The following LCP2 variants were observed in gnomAD, a reference collection of about 807,000 sequenced individuals.
LCP2 encodes 76 kDa tyrosine phosphoprotein.
Under a neutral mutation model 74.5 loss-of-function variants are expected in LCP2, and 29 were observed. The observed-to-expected ratio is 0.39, with a 90% CI of 0.29 to 0.53. The LOEUF is 0.53. Ranked by LOEUF, LCP2 falls within the 20% of genes least tolerant of loss-of-function variation. The probability of loss-of-function intolerance (pLI) is 0.72; values close to 1 mark genes in which losing one functional copy is unlikely to be tolerated. For missense variants in LCP2, 604 were observed against 634.6 expected, an observed-to-expected ratio of 0.95 and a Z score of 0.52; for synonymous variants, 228 against 229.5, an observed-to-expected ratio of 0.99 and a Z score of 0.06.
intron 1 of LCP2, among the ~76,000 whole-genome samples, chr5:170,297,268 A>C (rs1762406627): frequency 6.6e-6 from 1 of 152,210 alleles, no homozygotes; most frequent in African/African-American, 2.4e-5. Flanking sequence ...TAAATGGGAC[A>C]GTGCCTGTGA....
chr5:170,292,530 A>T (rs1762309935), intron 2 of LCP2, among the ~76,000 whole-genome samples: 1 of 152,226 alleles, frequency 6.6e-6, no homozygotes, highest in African/African-American at 2.4e-5. Context: ...AGTGTCTTAC[A>T]GGGAGACACA....
At chr5:170,282,415 C>A (rs1762120465) in intron 3 of LCP2, among the ~76,000 whole-genome samples, 1 of 152,206 alleles carries the variant, frequency 6.6e-6, no homozygotes, top group Non-Finnish European at 1.5e-5. Context: ...ATATTCCCCA[C>A]TCCTGAAAAG....
At position 170,258,063 on chromosome 5, in the gene LCP2, A is replaced by G; in HGVS notation, c.1074T>C (p.Ser358=). ...TTTCTGAGAATGCTCCAGGCATGTG[A>G]GAGGATGGGAGAGGGTTCATGGGAC... The part of the protein sequence containing the change: ...KPSPMNPLPS[S]HMPGAFSESN... Residue 358 remains serine (S), a synonymous_variant, in exon 16 of 21, where the codon TCT becomes TCC. Transcript: ENST00000046794. 4.3e-6 allele frequency: 7 copies of G among 1,613,896 alleles called. No individual in the cohort carries two copies. The highest frequency in any genetic ancestry group is 5.9e-6 in the Non-Finnish European group (7 of 1,179,786).
At chr5:170,289,039 G>A (rs1762232250) in intron 2 of LCP2, among the ~76,000 whole-genome samples, 1 of 152,182 alleles carries the variant, frequency 6.6e-6, no homozygotes. Flanking sequence ...GGAATCAGAT[G>A]GGCTGGGTTT....
Position 170,275,364 on chromosome 5 carries a change from A to G in LCP2, c.255-13T>C, listed in dbSNP as rs771115178. 1.2e-6 allele frequency: 2 copies of G among 1,613,950 alleles called. No individual in the cohort carries two copies. Among genetic ancestry groups the G allele is most frequent in the Admixed American group, 1.7e-5 (1 of 60,028 alleles). ...CGGGACTTGGGGTCTGCAAAGGTAA[A>G]TAGCACTGCATTAATGGTCTTCTCG... On this transcript the variant is annotated splice_polypyrimidine_tract_variant and intron_variant, in intron 4 of 20. Coordinates refer to ENST00000046794, the MANE Select transcript of LCP2 (RefSeq NM_005565.5).
chr5:170,291,309 C>T (rs1762293294), intron 2 of LCP2, among the ~76,000 whole-genome samples: 1 of 152,128 alleles, frequency 6.6e-6, no homozygotes, highest in Non-Finnish European at 1.5e-5. Context: ...TATTACAGAG[C>T]TGGAAAGGGT....
chr5:170,285,245 T>C (rs1363607696), intron 3 of LCP2, among the ~76,000 whole-genome samples: 1 of 152,224 alleles, frequency 6.6e-6, no homozygotes, highest in East Asian at 1.9e-4. Context: ...TTGGGTCTTT[T>C]TTTGAATTTC....
At chr5:170,293,163 T>C in intron 2 of LCP2, 147 bp downstream of exon 2, 1 of 724,070 alleles carries the variant, frequency 1.4e-6, no homozygotes, top group Non-Finnish European at 2.5e-6. Flanking sequence ...TGAAAGGTAG[T>C]GAGAGAGGGG....
intron 10 of LCP2, 36 bp from the exon 11 acceptor site, chr5:170,263,028 A>T: frequency 1.9e-6 from 3 of 1,611,196 alleles, no homozygotes; most frequent in Non-Finnish European, 2.5e-6. Flanking sequence ...CCATGAGTTC[A>T]GAACTTCATA....
At chr5:170,255,524 T>C (rs1281150661) in intron 17 of LCP2, among the ~76,000 whole-genome samples, 1 of 152,208 alleles carries the variant, frequency 6.6e-6, no homozygotes, top group African/African-American at 2.4e-5. Context: ...TTCACTTTTC[T>C]TGAGAAAAAA....
At chr5:170,288,946 A>G (rs186125390) in intron 2 of LCP2, among the ~76,000 whole-genome samples, 7 of 152,342 alleles carry the variant, frequency 4.6e-5, no homozygotes, top group Admixed American at 6.5e-5. Context: ...CATGCTTTCC[A>G]TAGAACCAAT....
chr5:170,276,084 C>A (rs1295591320), intron 3 of LCP2, among the ~76,000 whole-genome samples: 1 of 152,214 alleles, frequency 6.6e-6, no homozygotes, highest in African/African-American at 2.4e-5. Flanking sequence ...GAAGCCCTCT[C>A]TCCTCCTTGC....
intron 3 of LCP2, among the ~76,000 whole-genome samples, chr5:170,281,633 C>T (rs763444355): frequency 6.6e-6 from 1 of 152,220 alleles, no homozygotes; most frequent in Non-Finnish European, 1.5e-5. Context: ...CCACACCTTT[C>T]CTGTCTTCTC....
chr5:170,251,448 T>G, intron 19 of LCP2: 1 of 232,968 alleles, frequency 4.3e-6, no homozygotes, highest in Non-Finnish European at 9.0e-6. Context: ...TAAACTACTG[T>G]TTTGATTGTC....
intron 8 of LCP2, among the ~76,000 whole-genome samples, chr5:170,268,082 G>A (rs899207498): frequency 5.9e-5 from 9 of 152,030 alleles, no homozygotes; most frequent in African/African-American, 2.2e-4. Context: ...GAGAGAGGAA[G>A]GCTCGGTACC....
intron 1 of LCP2, among the ~76,000 whole-genome samples, chr5:170,295,863 G>A (rs1762370527): frequency 6.6e-6 from 1 of 152,120 alleles, no homozygotes; most frequent in Non-Finnish European, 1.5e-5. Context: ...CTGTAGATTT[G>A]TCCTGGGGTC....
intron 9 of LCP2, 42 bp downstream of exon 9, chr5:170,266,967 C>T: frequency 6.2e-7 from 1 of 1,612,262 alleles, no homozygotes. Flanking sequence ...TAGGGGAGTG[C>T]CTGGTGGGAA....
Position 170,286,783 on chromosome 5 carries a change from T to G in LCP2, c.188+1187A>C, listed in dbSNP as rs543111886. Among the ~76,000 whole-genome samples, 11 of 152,288 alleles carry G rather than the reference T, an allele frequency of 7.2e-5. No individual in the cohort carries two copies. The East Asian group carries it at 1.9e-3, about 27-fold the overall frequency. ...TTCTCCTTAATTGAGCTGCCAGCATTCCTACCTATTCATGAGATCTCCCCA... is the reference window on the plus strand; with the variant it reads ...TTCTCCTTAATTGAGCTGCCAGCATGCCTACCTATTCATGAGATCTCCCCA... On this transcript the variant is annotated intron_variant, in intron 3 of 20. Coordinates refer to ENST00000046794, the MANE Select transcript of LCP2 (RefSeq NM_005565.5).
At chr5:170,255,587 G>T (rs1761535778) in intron 17 of LCP2, among the ~76,000 whole-genome samples, 1 of 152,240 alleles carries the variant, frequency 6.6e-6, no homozygotes, top group African/African-American at 2.4e-5. Flanking sequence ...ACTTACTAGA[G>T]TTGGGTAACT....
Sources: gnomAD v4.1 joint callset for allele counts (sites outside exome capture counted in the v4.1 genomes callset) on GRCh38, gnomAD v4.1.1 for gene constraint, MANE v1.5 for transcripts, NCBI Gene and HGNC (gene_info 2026-07-23, HGNC 2026-07-21) for gene names.